The following UBASH3B variants were observed in gnomAD, a reference collection of about 807,000 sequenced individuals.
UBASH3B encodes the protein ubiquitin associated and SH3 domain containing B.
Under a neutral mutation model 83.4 loss-of-function variants are expected in UBASH3B, and 37 were observed. The ratio of observed to expected loss-of-function variants is 0.44; its 90% CI spans 0.34 to 0.58. The LOEUF (loss-of-function observed/expected upper bound fraction) is 0.58. Among genes scored for constraint, UBASH3B ranks in the 20% least tolerant of loss-of-function variants. The probability of loss-of-function intolerance (pLI) is 0.01; values close to 1 mark genes in which losing one functional copy is unlikely to be tolerated. For missense variants in UBASH3B, 657 were observed against 827.2 expected (o/e 0.79, Z 2.52); for synonymous variants, 304 against 318.3 (o/e 0.96, Z 0.48).
chr11:122,754,070 TCA>T (rs1861245940), intron 1 of UBASH3B, among the ~76,000 whole-genome samples: 1 of 151,796 alleles, frequency 6.6e-6, no homozygotes, highest in Non-Finnish European at 1.5e-5. Context: ...AACTGAATGT[TCA>T]GTTTTATTCA....
intron 1 of UBASH3B, among the ~76,000 whole-genome samples, chr11:122,725,328 C>CAAAAAAAAA (rs527272428): frequency 6.6e-4 from 58 of 87,582 alleles, no homozygotes; most frequent in South Asian, 1.1e-3. Flanking sequence ...GCACCATAAA[C>CAAAAAAAAA]AAAAAAAAAA....
intron 1 of UBASH3B, among the ~76,000 whole-genome samples, chr11:122,688,280 TCCTC>T (rs149184555): frequency 0.01 from 1,547 of 151,806 alleles, 23 homozygotes; most frequent in African/African-American, 0.035. Flanking sequence ...TCCCCTTCCT[TCCTC>T]CCTCCCTCTT....
rs1436084567 is a variant in UBASH3B, at chr11:122,801,258, T to A, written c.1521T>A (p.Ala507=). 1 of 1,614,214 alleles carries A rather than the reference T, an allele frequency of 6.2e-7. No individual in the cohort carries two copies. The highest frequency in any genetic ancestry group is 1.7e-5 in the Admixed American group (1 of 60,026). The change falls in exon 11 of 14, where the codon GCT becomes GCA. Residue 507 remains alanine, a synonymous_variant. Transcript: ENST00000284273. ...TATTTGAGTGGACAAAATGGGTTGC[T>A]GGGAGCACATTACCTGCATGGATAC... ...PGLFEWTKWV[A]GSTLPAWIPP... is the part of the protein sequence containing the mutation.
chr11:122,712,034 A>AT (rs9326263), intron 1 of UBASH3B, among the ~76,000 whole-genome samples: 2,858 of 145,600 alleles, frequency 0.02, 31 homozygotes, highest in Admixed American at 0.024. Context: ...TGCCAGCTGC[A>AT]TTTTTTTTTT....
intron 1 of UBASH3B, among the ~76,000 whole-genome samples, chr11:122,749,701 T>C (rs1324902713): frequency 6.6e-6 from 1 of 152,228 alleles, no homozygotes; most frequent in Non-Finnish European, 1.5e-5. Flanking sequence ...GAGTAATCGC[T>C]ATTTGAGAGG....
chr11:122,736,899 G>T (rs1267348526), intron 1 of UBASH3B, among the ~76,000 whole-genome samples: 1 of 151,882 alleles, frequency 6.6e-6, no homozygotes, highest in Non-Finnish European at 1.5e-5. Flanking sequence ...GAAATGAAAT[G>T]GAATGAAATG....
At chr11:122,770,239 C>T (rs2135130149) in intron 1 of UBASH3B, among the ~76,000 whole-genome samples, 1 of 152,350 alleles carries the variant, frequency 6.6e-6, no homozygotes, top group South Asian at 2.1e-4. Context: ...AATTAGTTTT[C>T]TACTTAATTG....
chr11:122,744,525 G>A (rs1470473108), intron 1 of UBASH3B, among the ~76,000 whole-genome samples: 1 of 152,078 alleles, frequency 6.6e-6, no homozygotes, highest in African/African-American at 2.4e-5. Flanking sequence ...ATGAGCTCGT[G>A]TTGTGACTGT....
At chr11:122,667,339 C>A (rs1297137924) in intron 1 of UBASH3B, among the ~76,000 whole-genome samples, 1 of 152,174 alleles carries the variant, frequency 6.6e-6, no homozygotes, top group Admixed American at 6.6e-5. Flanking sequence ...AGCCGCCGCG[C>A]CCAGTCCATT....
At chr11:122,727,699 G>A (rs907290418) in intron 1 of UBASH3B, 3 of 152,254 alleles carry the variant, frequency 2.0e-5, no homozygotes, top group African/African-American at 4.8e-5. Context: ...TTTTCTTGAG[G>A]CAGTGTGTTT....
chr11:122,660,454 TG>T (rs1251820599), intron 1 of UBASH3B, among the ~76,000 whole-genome samples: 1 of 152,060 alleles, frequency 6.6e-6, no homozygotes, highest in African/African-American at 2.4e-5. Flanking sequence ...TGAGGTTGGT[TG>T]GAAGGAAAAG....
At chr11:122,662,760 T>G (rs1430039541) in intron 1 of UBASH3B, among the ~76,000 whole-genome samples, 1 of 152,120 alleles carries the variant, frequency 6.6e-6, no homozygotes, top group Non-Finnish European at 1.5e-5. Context: ...TACATTAGTT[T>G]GCATTTCCTA....
intron 1 of UBASH3B, among the ~76,000 whole-genome samples, chr11:122,735,874 T>C (rs946422136): frequency 6.6e-6 from 1 of 152,150 alleles, no homozygotes; most frequent in African/African-American, 2.4e-5. Flanking sequence ...TTGGACACCA[T>C]CATGGAGCAC....
intron 1 of UBASH3B, among the ~76,000 whole-genome samples, chr11:122,722,506 TCAGTGGC>T (rs1037624152): frequency 6.6e-6 from 1 of 152,166 alleles, no homozygotes; most frequent in African/African-American, 2.4e-5. Flanking sequence ...AGGAGAGTGC[TCAGTGGC>T]AGAAGGAACC....
In UBASH3B at chr11:122,796,924, C is replaced by T. The variant is rs1388176661; in HGVS notation, c.1248C>T (p.Arg416=). The T allele has an allele frequency of 1.2e-6, 2 of 1,614,042 alleles. No homozygotes were observed. The highest frequency in any genetic ancestry group is 1.3e-5 in the African/African-American group (1 of 74,894). Residue 416 remains arginine, a synonymous_variant, in exon 9 of 14, where the codon CGC becomes CGT. Coordinates refer to ENST00000284273, the MANE Select transcript of UBASH3B (RefSeq NM_032873.5). ...QCFDAKGRYI[R]TNLNMPHSLP... is the part of the protein sequence containing the mutation. ...TTTGTTTTTCAGGCCGCTACATACGCACCAACCTGAACATGCCTCATAGTT... is the reference window on the plus strand; with the variant it reads ...TTTGTTTTTCAGGCCGCTACATACGTACCAACCTGAACATGCCTCATAGTT...
chr11:122,804,629 G>A (rs1219487078), intron 11 of UBASH3B, among the ~76,000 whole-genome samples: 2 of 152,164 alleles, frequency 1.3e-5, no homozygotes, highest in Non-Finnish European at 2.9e-5. Flanking sequence ...ATTGCTGGGA[G>A]GATTAGACCG....
intron 1 of UBASH3B, among the ~76,000 whole-genome samples, chr11:122,732,141 G>A (rs892092885): frequency 6.6e-6 from 1 of 152,202 alleles, no homozygotes; most frequent in Non-Finnish European, 1.5e-5. Flanking sequence ...GTTTGTGGGG[G>A]TGTGGACACA....
Position 122,656,076 on chromosome 11 carries a change from G to T in UBASH3B, c.27G>T (p.Pro9=), listed in dbSNP as rs770318439. The T allele has an allele frequency of 2.6e-5, 42 of 1,599,676 alleles. No individual in the cohort carries two copies. The highest frequency in any genetic ancestry group is 3.5e-5 in the Non-Finnish European group (41 of 1,174,514). Residue 9 remains proline, a synonymous_variant, in exon 1 of 14, where the codon CCG becomes CCT. Coordinates refer to ENST00000284273, the MANE Select transcript of UBASH3B (RefSeq NM_032873.5). ...TGGCTCAGTACGGCCACCCCAGTCC[G>T]CTCGGCATGGCTGCGAGAGAGGAGC... MAQYGHPS[P]LGMAAREELY...
At chr11:122,658,178 G>GA (rs1254190970) in intron 1 of UBASH3B, among the ~76,000 whole-genome samples, 18,180 of 111,262 alleles carry the variant, frequency 0.16, 1,523 homozygotes, top group African/African-American at 0.25. Flanking sequence ...TTCATCTCAA[G>GA]AAAAAAAAAA....
Sources: allele counts gnomAD v4.1 joint callset (sites outside exome capture counted in the v4.1 genomes callset), GRCh38; gene constraint gnomAD v4.1.1; transcripts MANE v1.5; gene names NCBI Gene and HGNC (gene_info 2026-07-23, HGNC 2026-07-21).